The following FAT3 variants were observed in gnomAD, a reference collection of about 807,000 sequenced individuals.
FAT3 encodes protocadherin Fat 3.
Under a neutral mutation model 310.2 loss-of-function variants are expected in FAT3, and 95 were observed. The ratio of observed to expected loss-of-function variants is 0.31; its 90% CI spans 0.26 to 0.36. The LOEUF is 0.36. Ranked by LOEUF, FAT3 falls within the 10% of genes least tolerant of loss-of-function variation. FAT3 has a pLI of 1.00. For missense variants in FAT3, 5,408 were observed against 5,715.6 expected (o/e 0.95, Z 1.74); for synonymous variants, 2,314 against 2,192.9 (o/e 1.06, Z -1.54).
chr11:92,425,856 G>A, intron 2 of FAT3, among the ~76,000 whole-genome samples: 1 of 152,140 alleles, frequency 6.6e-6, no homozygotes, highest in East Asian at 1.9e-4. Flanking sequence ...GTGTGCATGT[G>A]TCTTTATAAT....
intron 2 of FAT3, among the ~76,000 whole-genome samples, chr11:92,457,575 A>G (rs1480106948): frequency 1.3e-5 from 2 of 152,224 alleles, no homozygotes; most frequent in Middle Eastern, 3.2e-3. Context: ...CCATATCCAA[A>G]TTAGCTTAAT....
intron 3 of FAT3, among the ~76,000 whole-genome samples, chr11:92,535,409 G>C (rs1954221224): frequency 6.6e-6 from 1 of 152,290 alleles, no homozygotes; most frequent in Non-Finnish European, 1.5e-5. Context: ...ATAAATATCT[G>C]TTCTTTTAAG....
chr11:92,890,386 C>T (rs1027203160), intron 27 of FAT3, 105 bp from the exon 28 acceptor site: 2 of 1,362,338 alleles, frequency 1.5e-6, no homozygotes, highest in Non-Finnish European at 2.0e-6. Context: ...CTTAGGGTTT[C>T]TTGGATGCTA....
intron 19 of FAT3, among the ~76,000 whole-genome samples, chr11:92,852,908 C>T (rs1403505843): frequency 6.6e-6 from 1 of 152,178 alleles, no homozygotes; most frequent in African/African-American, 2.4e-5. Context: ...GTGCTTTAAT[C>T]TAAAACAGGA....
At chr11:92,625,791 A>G (rs1941306679) in intron 3 of FAT3, among the ~76,000 whole-genome samples, 1 of 151,580 alleles carries the variant, frequency 6.6e-6, no homozygotes, top group South Asian at 2.1e-4. Flanking sequence ...GCTAAGACAC[A>G]CTTAGCTAAC....
Position 92,394,331 on chromosome 11 carries a change from G to A in FAT3, c.3292+38927G>A, listed in dbSNP as rs191421028. 5.6e-4 allele frequency among the ~76,000 whole-genome samples: 85 copies of A among 152,218 alleles called. 2 individuals carry two copies. In the East Asian group the frequency reaches 0.016, roughly 29 times the overall value. On this transcript the variant is annotated intron_variant, in intron 2 of 27. Transcript: ENST00000525166. Reference sequence around the variant, plus strand: ...GAAAAGTACAAAAACAATTAGCTGAGGGTGGTGGCATGCACCTGTAGGTGG... The same window carrying A: ...GAAAAGTACAAAAACAATTAGCTGAAGGTGGTGGCATGCACCTGTAGGTGG...
chr11:92,778,794 G>A (rs1384437939), intron 7 of FAT3, among the ~76,000 whole-genome samples: 1 of 152,042 alleles, frequency 6.6e-6, no homozygotes, highest in African/African-American at 2.4e-5. Flanking sequence ...GGGGATCATT[G>A]TCCTCTGAAG....
intron 1 of FAT3, among the ~76,000 whole-genome samples, chr11:92,338,738 A>G (rs1189502946): frequency 6.6e-6 from 1 of 152,198 alleles, no homozygotes; most frequent in African/African-American, 2.4e-5. Context: ...ACTAGAGAAC[A>G]TTAGTCCTTG....
intron 4 of FAT3, among the ~76,000 whole-genome samples, chr11:92,753,982 G>A (rs1317645551): frequency 6.6e-6 from 1 of 151,866 alleles, no homozygotes; most frequent in Non-Finnish European, 1.5e-5. Context: ...GTATTTGGAG[G>A]ACTTGGGGGA....
intron 4 of FAT3, among the ~76,000 whole-genome samples, chr11:92,718,948 T>G (rs1027595384): frequency 2.0e-5 from 3 of 152,178 alleles, no homozygotes; most frequent in Non-Finnish European, 4.4e-5. Flanking sequence ...TAAGAAATGT[T>G]AGCCTTTGGT....
chr11:92,886,326 C>T (rs1010480960), intron 24 of FAT3, among the ~76,000 whole-genome samples: 3 of 103,834 alleles, frequency 2.9e-5, no homozygotes, highest in Non-Finnish European at 6.5e-5. Flanking sequence ...GAAAGTAGCC[C>T]TGGTGTGTGT....
chr11:92,596,437 C>T (rs12293897), intron 3 of FAT3, among the ~76,000 whole-genome samples: 4,261 of 152,226 alleles, frequency 0.028, 221 homozygotes, highest in African/African-American at 0.097. Context: ...GGGTGCTGTA[C>T]TCTGGTGAAG....
intron 2 of FAT3, among the ~76,000 whole-genome samples, chr11:92,382,559 C>T (rs1949520046): frequency 1.3e-5 from 2 of 152,170 alleles, no homozygotes; most frequent in African/African-American, 4.8e-5. Context: ...ATTCCTCCAT[C>T]CTACCTGAGT....
intron 2 of FAT3, among the ~76,000 whole-genome samples, chr11:92,410,666 G>A (rs1308196318): frequency 6.6e-6 from 1 of 151,974 alleles, no homozygotes; most frequent in African/African-American, 2.4e-5. Context: ...ATGAGAAGAG[G>A]GAGTGAGTTT....
chr11:92,874,072 C>T (rs970697229), intron 22 of FAT3, among the ~76,000 whole-genome samples: 1 of 152,176 alleles, frequency 6.6e-6, no homozygotes, highest in East Asian at 1.9e-4. Context: ...TTTCACATCA[C>T]ATAAGCTATT....
At chr11:92,566,259 T>C (rs1042250405) in intron 3 of FAT3, among the ~76,000 whole-genome samples, 8 of 151,948 alleles carry the variant, frequency 5.3e-5, no homozygotes, top group South Asian at 2.1e-4. Flanking sequence ...AACAGAGAGC[T>C]AAATCATGAG....
chr11:92,753,923 T>C (rs1945900232), intron 4 of FAT3, among the ~76,000 whole-genome samples: 1 of 151,800 alleles, frequency 6.6e-6, no homozygotes, highest in Non-Finnish European at 1.5e-5. Context: ...CATTGTATAT[T>C]CTCACTGATA....
chr11:92,511,926 C>G (rs1352444895), intron 2 of FAT3, among the ~76,000 whole-genome samples: 1 of 152,092 alleles, frequency 6.6e-6, no homozygotes, highest in East Asian at 1.9e-4. Context: ...CATTGAATTT[C>G]CTATTACCAA....
At chr11:92,786,023 T>C (rs1293998818) in intron 7 of FAT3, among the ~76,000 whole-genome samples, 1 of 152,140 alleles carries the variant, frequency 6.6e-6, no homozygotes. Flanking sequence ...ATATGCTAAC[T>C]GCATGTGTAA....
Sources: gnomAD v4.1 joint callset for allele counts (sites outside exome capture counted in the v4.1 genomes callset) on GRCh38, gnomAD v4.1.1 for gene constraint, MANE v1.5 for transcripts, NCBI Gene and HGNC (gene_info 2026-07-23, HGNC 2026-07-21) for gene names.